Variants in APOB observed in about 807,000 individuals in gnomAD.
APOB encodes the protein apolipoprotein B, also known as apolipoprotein B-100.
A neutral mutation model predicts 314.1 loss-of-function variants in APOB; 153 were observed. The ratio of observed to expected loss-of-function variants is 0.49; its 90% CI spans 0.43 to 0.56. APOB has a LOEUF of 0.56. APOB is among the 20% of genes least tolerant of loss of function. The pLI is 0.00. For missense variants in APOB, 5,430 were observed against 5,350.7 expected, an observed-to-expected ratio of 1.01 and a Z score of -0.46; for synonymous variants, 2,087 against 2,036.4, an observed-to-expected ratio of 1.02 and a Z score of -0.67.
Position 21,023,662 on chromosome 2 carries a change from T to G in APOB, c.2467A>C (p.Asn823His). The change falls in exon 17 of 29, where the codon AAT (asparagine) becomes CAT (histidine). Residue 823 changes from asparagine to histidine, a missense_variant. Transcript: ENST00000233242. ...AAGATGTAGTGAAGAAAAAAGTCAT[T>G]CTTTGAGCCCTTCCTGATGACCTCT... ...IGEVIRKGSK[N>H]DFFLHYIFME... 6.2e-7 allele frequency: 1 copy of G among 1,612,330 alleles called. No individual in the cohort carries two copies.
intron 4 of APOB, among the ~76,000 whole-genome samples, chr2:21,038,551 G>T (rs1664060368): frequency 6.6e-6 from 1 of 152,080 alleles, no homozygotes; most frequent in African/African-American, 2.4e-5. Flanking sequence ...GGCCAGGCTG[G>T]TCTCAAACTC....
chr2:21,030,572 C>T (rs952858818), intron 10 of APOB, among the ~76,000 whole-genome samples: 11 of 152,168 alleles, frequency 7.2e-5, no homozygotes, highest in African/African-American at 2.6e-4. Flanking sequence ...ACCTCAAAGG[C>T]AAAGACAACA....
In APOB at chr2:21,002,059, G is replaced by A. The variant is rs1662993650; in HGVS notation, c.13363C>T (p.Leu4455Phe). Reference sequence around the variant, plus strand: ...TTCCCTTTTCCATCTGGATCGGTAAGGATGCTAAGATATTCCTGAATATTT... The same window carrying A: ...TTCCCTTTTCCATCTGGATCGGTAAAGATGCTAAGATATTCCTGAATATTT... ...HRNIQEYLSI[L>F]TDPDGKGKEK... is the part of the protein sequence containing the mutation. Residue 4455 changes from leucine (L) to phenylalanine (F), a missense_variant, in exon 29 of 29, where the codon CTT becomes TTT. Around this residue, in one of 3 missense-constraint regions of APOB, gnomAD observed 3,281 missense variants for 3,171.0 expected, o/e 1.03. Transcript: ENST00000233242. 5 of 1,613,970 alleles carry A rather than the reference G, an allele frequency of 3.1e-6. No homozygotes were observed. Among genetic ancestry groups the A allele is most frequent in the Non-Finnish European group, 4.2e-6 (5 of 1,179,978 alleles).
rs368268089 is a variant in APOB, at chr2:21,016,563, C to T, written c.3208G>A (p.Asp1070Asn). ...CTGAGGATTGTTCCGAGGTCAACAT[C>T]AAAATCCGGAATTTGGACTTCACTG... ...LSSEVQIPDF[D>N]VDLGTILRVN... The change falls in exon 21 of 29, where the codon GAT (aspartate) becomes AAT (asparagine). Residue 1070 changes from aspartate (D) to asparagine (N), a missense_variant. By Grantham distance (23) the Asp-to-Asn change is conservative. Coordinates refer to ENST00000233242, the MANE Select transcript of APOB (RefSeq NM_000384.3). 4 of 1,610,422 alleles carry T rather than the reference C, an allele frequency of 2.5e-6. No individual in the cohort carries two copies. The highest frequency in any genetic ancestry group is 3.4e-6 in the Non-Finnish European group (4 of 1,176,770).
chr2:21,042,618 A>T (rs1664159661), intron 2 of APOB, 142 bp from the exon 3 acceptor site: 1 of 714,204 alleles, frequency 1.4e-6, no homozygotes, highest in Admixed American at 2.0e-5. Flanking sequence ...CTTTATACTT[A>T]ATTTTCCTTT....
Position 21,002,429 on chromosome 2 carries a change from AT to A in APOB, c.12992del (p.Asp4331ValfsTer18). On this transcript the variant is annotated frameshift_variant, in exon 29 of 29. Coordinates refer to ENST00000233242, the MANE Select transcript of APOB (RefSeq NM_000384.3). LOFTEE classifies it low-confidence loss of function (END_TRUNC). ...KFTYLINYIQ[D>X]EINTIFSDYI... ...AATCACTGAAGATTGTGTTGATCTC[AT>A]CTTGGATATAATTAATAAGATAAGT... The A allele has an allele frequency of 6.2e-7, 1 of 1,600,782 alleles. No homozygotes were observed. Among genetic ancestry groups the A allele is most frequent in the Admixed American group, 1.7e-5 (1 of 58,952 alleles).
chr2:21,029,632 A>G lies in APOB; in HGVS notation c.1617+7T>C, dbSNP rs374552390. 4.0e-5 allele frequency: 64 copies of G among 1,613,978 alleles called. No individual in the cohort carries two copies. The highest frequency in any genetic ancestry group is 1.6e-4 in the Middle Eastern group (1 of 6,084). On this transcript the variant is annotated splice_region_variant and intron_variant, in intron 12 of 28. Transcript: ENST00000233242. ...TTCACTTTCAGACCTCTTCTTGTGG[A>G]CTTTACCTTGTCTTTAGGCTCCATT...
rs750415789 is a variant in APOB at position 21,008,264 on chromosome 2, C to T, written c.8604G>A (p.Glu2868=). 10 of 1,614,000 alleles carry T rather than the reference C, an allele frequency of 6.2e-6. No homozygotes were observed. The highest frequency in any genetic ancestry group is 8.5e-6 in the Non-Finnish European group (10 of 1,179,944). Reference sequence around the variant, plus strand: ...TCTTGACAATCACTCCATTACTAAGCTCCAGTGTATTTTTTTCTGTGTGTA... The same window carrying T: ...TCTTGACAATCACTCCATTACTAAGTTCCAGTGTATTTTTTTCTGTGTGTA... The part of the protein sequence containing the change: ...ASLHTEKNTL[E]LSNGVIVKIN... Residue 2868 remains glutamate, a synonymous_variant, in exon 26 of 29, where the codon GAG becomes GAA. Coordinates refer to ENST00000233242, the MANE Select transcript of APOB (RefSeq NM_000384.3).
At position 21,042,438 on chromosome 2, in the gene APOB, A is replaced by ATG; in HGVS notation, c.158_159dup (p.Tyr54HisfsTer40). ...CTGGAACTCTCAGCCTCATAGTTGT[A>ATG]TGTGTACTTCCGGAGGTGCTTGAAT... On this transcript the variant is annotated frameshift_variant, in exon 3 of 29. Coordinates refer to ENST00000233242, the MANE Select transcript of APOB (RefSeq NM_000384.3). LOFTEE classifies it high-confidence loss of function. The ATG allele has an allele frequency of 6.2e-7, 1 of 1,614,122 alleles. No homozygotes were observed. The highest frequency in any genetic ancestry group is 8.5e-7 in the Non-Finnish European group (1 of 1,180,038).
Position 21,008,303 on chromosome 2 carries a change from G to A in APOB, c.8565C>T (p.Asn2855=). The part of the protein sequence containing the change: ...FFGNAIEGKS[N]TVASLHTEKN... ...TTTCTGTGTGTAAACTTGCCACTGT[G>A]TTTGATTTTCCCTCAATAGCATTTC... The change falls in exon 26 of 29, where the codon AAC becomes AAT. Residue 2855 remains asparagine, a synonymous_variant. Coordinates refer to ENST00000233242, the MANE Select transcript of APOB (RefSeq NM_000384.3). 2.5e-6 allele frequency: 4 copies of A among 1,613,302 alleles called. No homozygotes were observed. The highest frequency in any genetic ancestry group is 3.4e-6 in the Non-Finnish European group (4 of 1,179,430).
At chr2:21,036,416 C>T (rs983074213) in intron 6 of APOB, among the ~76,000 whole-genome samples, 5 of 152,220 alleles carry the variant, frequency 3.3e-5, no homozygotes, top group East Asian at 1.9e-4. Context: ...CCAGGAACAG[C>T]GCCCAGCATG....
At chr2:21,026,229 T>C (rs1663728725) in intron 15 of APOB, among the ~76,000 whole-genome samples, 1 of 152,034 alleles carries the variant, frequency 6.6e-6, no homozygotes, top group Non-Finnish European at 1.5e-5. Context: ...AAGTTAGAAT[T>C]AAATCTATGC....
chr2:21,013,325 G>T lies in APOB; in HGVS notation c.4051C>A (p.Pro1351Thr). Reference sequence around the variant, plus strand: ...GAGAGGTCTAGAACACCCAGGAGAGGCACTTGCAGTTGATACAACTTGGGA... The same window carrying T: ...GAGAGGTCTAGAACACCCAGGAGAGTCACTTGCAGTTGATACAACTTGGGA... Reference protein sequence around the residue: ...TIPKLYQLQVPLLGVLDLSTN... With the variant: ...TIPKLYQLQVTLLGVLDLSTN... Residue 1351 changes from proline (P) to threonine (T), a missense_variant, in exon 25 of 29, where the codon CCT (proline) becomes ACT (threonine). Transcript: ENST00000233242. 6.2e-7 allele frequency: 1 copy of T among 1,614,160 alleles called. No individual in the cohort carries two copies. Among genetic ancestry groups the T allele is most frequent in the African/African-American group, 1.3e-5 (1 of 75,040 alleles).
chr2:21,007,493 G>A lies in APOB; in HGVS notation c.9375C>T (p.Phe3125=). 1 of 1,614,076 alleles carries A rather than the reference G, an allele frequency of 6.2e-7. No individual in the cohort carries two copies. The highest frequency in any genetic ancestry group is 8.5e-7 in the Non-Finnish European group (1 of 1,179,986). Residue 3125 remains phenylalanine, a synonymous_variant, in exon 26 of 29, where the codon TTC becomes TTT. Coordinates refer to ENST00000233242, the MANE Select transcript of APOB (RefSeq NM_000384.3). ...VGINGEANLD[F]LNIPLTIPEM... is the part of the protein sequence containing the mutation. The stretch of plus-strand genomic sequence containing the variant: ...CAGGAATTGTTAAAGGAATGTTTAA[G>A]AAATCCAGATTTGCTTCTCCATTTA...
At chr2:21,039,453 G>T (rs1397668922) in intron 4 of APOB, among the ~76,000 whole-genome samples, 1 of 152,194 alleles carries the variant, frequency 6.6e-6, no homozygotes, top group Non-Finnish European at 1.5e-5. Context: ...GGTACTCTCT[G>T]AGTTTCTGAG....
chr2:21,014,771 A>G (rs936342621), intron 23 of APOB, among the ~76,000 whole-genome samples, 178 bp from the exon 24 acceptor site: 1 of 152,234 alleles, frequency 6.6e-6, no homozygotes, highest in Admixed American at 6.5e-5. Context: ...ATCACTGTCC[A>G]TATTTATAAA....
intron 8 of APOB, 104 bp from the exon 9 acceptor site, chr2:21,033,622 G>C: frequency 1.0e-6 from 1 of 960,166 alleles, no homozygotes; most frequent in East Asian, 2.4e-5. Context: ...AGGGGAAAAG[G>C]GAAAGAAACT....
chr2:21,007,768 T>C lies in APOB; in HGVS notation c.9100A>G (p.Lys3034Glu), dbSNP rs147318546. ...TGGGCTGAAAAGAAAAGAGAATTTT[T>C]CAAAGTTCCAATAACCTTTCCATTT... ...HLNGKVIGTL[K>E]NSLFFSAQPF... The change falls in exon 26 of 29, where the codon AAA becomes GAA. Residue 3034 changes from lysine (K) to glutamate (E), a missense_variant. Coordinates refer to ENST00000233242, the MANE Select transcript of APOB (RefSeq NM_000384.3). The C allele has an allele frequency of 6.2e-6, 10 of 1,614,082 alleles. No homozygotes were observed. The highest frequency in any genetic ancestry group is 8.5e-6 in the Non-Finnish European group (10 of 1,179,956).
chr2:21,033,157 C>G lies in APOB; in HGVS notation c.1124+142G>C. The G allele has an allele frequency of 4.3e-6, 3 of 701,300 alleles. No homozygotes were observed. The Admixed American group carries it at 6.3e-5, about 15-fold the overall frequency. 43.4% of individuals were successfully genotyped at this position (701,300 alleles called of 1,614,324 possible). A position where few individuals can be genotyped will look rare whatever the true frequency, so the allele number is the denominator to read the frequency against. On this transcript the variant is annotated intron_variant, in intron 9 of 28. Transcript: ENST00000233242. ...AGCGCAGCAGCTGATAGTTCTCTAT[C>G]CAGCAATCATGAACTGATTGACTAA... is the stretch of plus-strand genomic sequence containing the variant.
Sources: gnomAD v4.1 joint callset for allele counts (sites outside exome capture counted in the v4.1 genomes callset) on GRCh38, gnomAD v4.1.1 for gene constraint, gnomAD v4.1.1 regional missense constraint, MANE v1.5 for transcripts, NCBI Gene and HGNC (gene_info 2026-07-23, HGNC 2026-07-21) for gene names.